Variants in ARHGAP39 observed in about 807,000 individuals in gnomAD.
ARHGAP39 encodes Rho GTPase activating protein 39.
Under a neutral mutation model 106.9 loss-of-function variants are expected in ARHGAP39, and 44 were observed. The ratio of observed to expected loss-of-function variants is 0.41; its 90% CI spans 0.32 to 0.53. The LOEUF is 0.53. Ranked by LOEUF, ARHGAP39 falls within the 20% of genes least tolerant of loss-of-function variation. The pLI is 0.21. For synonymous variants in ARHGAP39, 768 were observed against 693.2 expected, an observed-to-expected ratio of 1.11 and a Z score of -1.69; for missense variants, 1,496 against 1,577.3, an observed-to-expected ratio of 0.95 and a Z score of 0.87.
At chr8:144,612,244 A>T (rs79627470) in intron 1 of ARHGAP39, among the ~76,000 whole-genome samples, 1 of 1,318 alleles carries the variant, frequency 7.6e-4, no homozygotes. Flanking sequence ...GCCGCTGCAC[A>T]CCAGCCAGGG....
At position 144,585,610 on chromosome 8, in the gene ARHGAP39, G is replaced by T. The variant is rs1319823610; in HGVS notation, c.81-4333C>A. Among the ~76,000 whole-genome samples the T allele has an allele frequency of 5.3e-5, 8 of 152,174 alleles. No homozygotes were observed. Among genetic ancestry groups the T allele is most frequent in the Non-Finnish European group, 1.2e-4 (8 of 68,018 alleles). On this transcript the variant is annotated intron_variant, in intron 2 of 11. Coordinates refer to ENST00000377307, the MANE Select transcript of ARHGAP39 (RefSeq NM_025251.3). The surrounding 1 kb of genome is among the most constrained non-coding windows in gnomAD (Gnocchi z 4.6). ...AGAAACACAGGGACACCAACATGGT[G>T]CACCTCGAACCCCCACAGCTCAGCA...
chr8:144,618,153 A>C (rs1404490907), intron 1 of ARHGAP39, among the ~76,000 whole-genome samples: 4 of 152,208 alleles, frequency 2.6e-5, no homozygotes, highest in Non-Finnish European at 4.4e-5. Flanking sequence ...TTCTCAAAAA[A>C]TCCTGAGCTC....
intron 3 of ARHGAP39, among the ~76,000 whole-genome samples, chr8:144,569,510 A>G (rs1315944208): frequency 1.3e-5 from 2 of 152,260 alleles, no homozygotes; most frequent in Non-Finnish European, 2.9e-5. Context: ...ACATGGAGTG[A>G]AAGATGACAG....
At chr8:144,643,915 G>A (rs1399201110) in intron 1 of ARHGAP39, among the ~76,000 whole-genome samples, 1 of 152,156 alleles carries the variant, frequency 6.6e-6, no homozygotes, top group African/African-American at 2.4e-5. Flanking sequence ...GAAAGGCAAT[G>A]TTTTAAAAGG....
At chr8:144,608,251 C>T (rs61353622) in intron 1 of ARHGAP39, among the ~76,000 whole-genome samples, 4,640 of 151,832 alleles carry the variant, frequency 0.031, 239 homozygotes, top group African/African-American at 0.11. Context: ...GTGACCTGCT[C>T]GTACAGCTTC....
In ARHGAP39 at chr8:144,547,150, C is replaced by G; in HGVS notation, c.1936G>C (p.Glu646Gln). The G allele has an allele frequency of 6.2e-7, 1 of 1,607,018 alleles. No individual in the cohort carries two copies. Among genetic ancestry groups the G allele is most frequent in the South Asian group, 1.1e-5 (1 of 89,922 alleles). ...VSVQTNLASP[E>Q]PYLHPSQSED... ...ACCTGTGAGGGGTGGAGGTAGGGCT[C>G]TGGTGAGGCCAGGTTGGTCTGCACG... The change falls in exon 5 of 12, where the codon GAG becomes CAG. Residue 646 changes from glutamate (E) to glutamine (Q), a missense_variant. Coordinates refer to ENST00000377307, the MANE Select transcript of ARHGAP39 (RefSeq NM_025251.3). The surrounding 1 kb of genome is among the most constrained non-coding windows in gnomAD (Gnocchi z 5.2).
At chr8:144,673,590 T>G (rs567667039) in intron 1 of ARHGAP39, among the ~76,000 whole-genome samples, 19 of 152,362 alleles carry the variant, frequency 1.2e-4, no homozygotes, top group African/African-American at 4.6e-4. Flanking sequence ...TCTCTACAGA[T>G]TCACTTCTTC....
At chr8:144,563,410 T>A (rs1237972775) in intron 3 of ARHGAP39, among the ~76,000 whole-genome samples, 1 of 152,152 alleles carries the variant, frequency 6.6e-6, no homozygotes, top group African/African-American at 2.4e-5. Flanking sequence ...AAAGTTTTAT[T>A]GTCATTTTTT....
chr8:144,594,569 C>T (rs898509771), intron 2 of ARHGAP39, among the ~76,000 whole-genome samples: 2 of 151,994 alleles, frequency 1.3e-5, no homozygotes, highest in African/African-American at 4.8e-5. Context: ...TGGTGGGCGC[C>T]TGTAATCCTA....
chr8:144,533,263 G>A lies in ARHGAP39; in HGVS notation c.2751C>T (p.Ser917=), dbSNP rs1169857970. The change falls in exon 9 of 12, where the codon TCC becomes TCT. Residue 917 remains serine, a synonymous_variant. Coordinates refer to ENST00000377307, the MANE Select transcript of ARHGAP39 (RefSeq NM_025251.3). The stretch of plus-strand genomic sequence containing the variant: ...CCTCCTGCAGTGCGCTGCCGAACAT[G>A]GACGGGCTGAACACGGCGTTCTTGG... The part of the protein sequence containing the change: ...RHAKNAVFSP[S]MFGSALQEVM... 6.2e-7 allele frequency: 1 copy of A among 1,613,048 alleles called. No individual in the cohort carries two copies. Among genetic ancestry groups the A allele is most frequent in the African/African-American group, 1.3e-5 (1 of 74,926 alleles).
intron 1 of ARHGAP39, among the ~76,000 whole-genome samples, chr8:144,623,529 C>T (rs1379825282): frequency 2.0e-5 from 3 of 152,238 alleles, no homozygotes; most frequent in Admixed American, 1.3e-4. Context: ...AAGGCTTCCG[C>T]GACTGGCGAG....
intron 2 of ARHGAP39, among the ~76,000 whole-genome samples, chr8:144,600,495 CTT>C (rs564108450): frequency 5.5e-5 from 8 of 146,684 alleles, no homozygotes; most frequent in South Asian, 2.2e-4. Context: ...TGTGTGCACA[CTT>C]GGGTACCTAC....
At chr8:144,560,404 C>T (rs1196910969) in intron 3 of ARHGAP39, among the ~76,000 whole-genome samples, 3 of 152,226 alleles carry the variant, frequency 2.0e-5, no homozygotes, top group African/African-American at 4.8e-5. Context: ...CATTGCACTC[C>T]AGCCTGGGCA....
At chr8:144,690,438 G>A (rs1262710989), upstream of ARHGAP39, among the ~76,000 whole-genome samples, 3 of 151,934 alleles carry the variant, frequency 2.0e-5, no homozygotes, top group Admixed American at 2.0e-4. Flanking sequence ...AGTGCATAAG[G>A]GCTCCAATTT....
At chr8:144,665,161 G>T (rs1821930895) in intron 1 of ARHGAP39, among the ~76,000 whole-genome samples, 1 of 152,192 alleles carries the variant, frequency 6.6e-6, no homozygotes, top group Non-Finnish European at 1.5e-5. Context: ...GCAGCATTTT[G>T]CCCCTGCCCT....
Position 144,641,294 on chromosome 8 carries a change from A to C in ARHGAP39, c.-81-35599T>G, listed in dbSNP as rs1211176818. Among the ~76,000 whole-genome samples, 1 of 152,026 alleles carries C rather than the reference A, an allele frequency of 6.6e-6. No homozygotes were observed. Among genetic ancestry groups the C allele is most frequent in the African/African-American group, 2.4e-5 (1 of 41,412 alleles). Reference sequence around the variant, plus strand: ...GGGAAAGGAGAGGCAGACGCTATTAAATTCTTTATGGAATGAAAATTAACT... The same window carrying C: ...GGGAAAGGAGAGGCAGACGCTATTACATTCTTTATGGAATGAAAATTAACT... On this transcript the variant is annotated intron_variant, in intron 1 of 11. Coordinates refer to ENST00000377307, the MANE Select transcript of ARHGAP39 (RefSeq NM_025251.3). This position sits in a 1 kb window ranked among gnomAD's most constrained non-coding sequence, Gnocchi z 5.2.
intron 3 of ARHGAP39, among the ~76,000 whole-genome samples, chr8:144,559,494 A>AT (rs1213516578): frequency 6.6e-6 from 1 of 152,094 alleles, no homozygotes; most frequent in Non-Finnish European, 1.5e-5. Context: ...AGGGATTAAA[A>AT]TTTTTGTACA....
intron 3 of ARHGAP39, among the ~76,000 whole-genome samples, chr8:144,577,725 C>T (rs59205073): frequency 0.034 from 5,102 of 152,262 alleles, 279 homozygotes; most frequent in African/African-American, 0.12. Flanking sequence ...TTTCCATACA[C>T]CACAATGGAC....
intron 1 of ARHGAP39, among the ~76,000 whole-genome samples, chr8:144,631,159 G>A (rs1586627127): frequency 6.6e-6 from 1 of 152,290 alleles, no homozygotes; most frequent in African/African-American, 2.4e-5. Flanking sequence ...CCAAGGGGGT[G>A]GGCCAAGCCA....
Sources: gnomAD v4.1 joint callset for allele counts (sites outside exome capture counted in the v4.1 genomes callset) on GRCh38, gnomAD v4.1.1 for gene constraint, Gnocchi (gnomAD v3.1) non-coding constraint, MANE v1.5 for transcripts, NCBI Gene and HGNC (gene_info 2026-07-23, HGNC 2026-07-21) for gene names.